Variants in UTP20 observed in about 807,000 individuals in gnomAD.
UTP20 encodes small subunit processome component 20 homolog.
UTP20 carries 164 observed loss-of-function variants against 329.5 expected under a neutral mutation model. The ratio of observed to expected loss-of-function variants is 0.50; its 90% CI spans 0.44 to 0.57. The LOEUF is 0.57. Among genes scored for constraint, UTP20 ranks in the 20% least tolerant of loss-of-function variants. The probability of loss-of-function intolerance (pLI) is 0.00; values close to 1 mark genes in which losing one functional copy is unlikely to be tolerated. For missense variants in UTP20, 3,055 were observed against 3,284.2 expected (o/e 0.93, Z 1.71); for synonymous variants, 1,151 against 1,159.3 (o/e 0.99, Z 0.14).
At chr12:101,366,171 G>A (rs1870089621) in intron 46 of UTP20, among the ~76,000 whole-genome samples, 1 of 152,128 alleles carries the variant, frequency 6.6e-6, no homozygotes, top group African/African-American at 2.4e-5. Context: ...GGCGGAGGTT[G>A]GAGTGAGCCG....
rs1023586954 is a variant in UTP20 at position 101,366,470 on chromosome 12, C to T, written c.6126-88C>T. ...AAATGGCACATTATTTAGTGCTGGG[C>T]TCTCGTCACTTTAGAAGGGCCACTC... On this transcript the variant is annotated intron_variant, in intron 46 of 61. Transcript: ENST00000261637. The T allele has an allele frequency of 4.0e-6, 6 of 1,491,628 alleles. 1 individual carries two copies. Among genetic ancestry groups the T allele is most frequent in the Admixed American group, 4.3e-5 (2 of 46,650 alleles). The allele number at this position is 1,491,628 out of a possible 1,614,324, so 92.4% of individuals were successfully genotyped here. A position where few individuals can be genotyped will look rare whatever the true frequency, so the allele number is the denominator to read the frequency against.
intron 27 of UTP20, 128 bp downstream of exon 27, chr12:101,329,577 C>A: frequency 1.1e-6 from 1 of 876,508 alleles, no homozygotes; most frequent in Non-Finnish European, 1.7e-6. Flanking sequence ...AGAACAAAGC[C>A]CAAAATTGTA....
In UTP20 at chr12:101,367,848, G is replaced by T; in HGVS notation, c.6268-12G>T. 2 of 1,588,450 alleles carry T rather than the reference G, an allele frequency of 1.3e-6. No homozygotes were observed. The highest frequency in any genetic ancestry group is 2.2e-5 in the South Asian group (2 of 90,340). On this transcript the variant is annotated splice_polypyrimidine_tract_variant and intron_variant, in intron 47 of 61. Coordinates refer to ENST00000261637, the MANE Select transcript of UTP20 (RefSeq NM_014503.3). ...GGCAACTAATGTGAAATACCTGTTTGAACTCTCTTAGCTGCTGCATCTGAG... is the reference window on the plus strand; with the variant it reads ...GGCAACTAATGTGAAATACCTGTTTTAACTCTCTTAGCTGCTGCATCTGAG...
chr12:101,283,332 A>G (rs1205101249), intron 2 of UTP20, among the ~76,000 whole-genome samples: 2 of 152,184 alleles, frequency 1.3e-5, no homozygotes, highest in East Asian at 1.9e-4. Flanking sequence ...TTATTCCCCA[A>G]TAAGCTAGAC....
At chr12:101,354,802 A>T in intron 40 of UTP20, 30 bp from the exon 41 acceptor site, 1 of 1,595,636 alleles carries the variant, frequency 6.3e-7, no homozygotes, top group Non-Finnish European at 8.5e-7. Flanking sequence ...TATTTGCTTT[A>T]AGGTGACTTT....
At chr12:101,311,162 T>G (rs1872777643) in intron 19 of UTP20, among the ~76,000 whole-genome samples, 3 of 152,232 alleles carry the variant, frequency 2.0e-5, no homozygotes, top group Non-Finnish European at 1.5e-5. Flanking sequence ...GTAAAGTTTA[T>G]GCATATTCTT....
chr12:101,319,635 G>A lies in UTP20; in HGVS notation c.2829G>A (p.Gln943=). 6.3e-7 allele frequency: 1 copy of A among 1,592,692 alleles called. No homozygotes were observed. Among genetic ancestry groups the A allele is most frequent in the Non-Finnish European group, 8.5e-7 (1 of 1,173,802 alleles). Residue 943 remains glutamine, a splice_region_variant and synonymous_variant, in exon 23 of 62, where the codon CAG becomes CAA. Transcript: ENST00000261637. ...CCAAACTATATGAGTTATATCTTCA[G>A]GTCAGTAAAATAAACTCTTGGCATT... ...LESKLYELYL[Q]LLLHQDQMVQ... is the part of the protein sequence containing the mutation.
At chr12:101,305,864 A>C in intron 15 of UTP20, 51 bp from the exon 16 acceptor site, 9 of 1,475,824 alleles carry the variant, frequency 6.1e-6, no homozygotes, top group Non-Finnish European at 8.1e-6. Context: ...TATAGTCTAG[A>C]TACTCTGGGT....
intron 12 of UTP20, among the ~76,000 whole-genome samples, chr12:101,296,192 T>A (rs74462501): frequency 0.014 from 2,134 of 152,328 alleles, 29 homozygotes; most frequent in East Asian, 0.08. Flanking sequence ...TATGTAGTTT[T>A]ATCCTGTGTT....
At chr12:101,331,460 C>G (rs528443646) in intron 27 of UTP20, among the ~76,000 whole-genome samples, 1 of 152,356 alleles carries the variant, frequency 6.6e-6, no homozygotes, top group African/African-American at 2.4e-5. Context: ...CTTGTAACTA[C>G]ATCACCTTGT....
intron 2 of UTP20, among the ~76,000 whole-genome samples, chr12:101,283,000 G>A (rs891367930): frequency 1.3e-5 from 2 of 152,202 alleles, no homozygotes; most frequent in African/African-American, 4.8e-5. Flanking sequence ...AGGAGCACAA[G>A]GTTGTAAAGA....
intron 11 of UTP20, among the ~76,000 whole-genome samples, chr12:101,294,228 G>T (rs1232504511): frequency 6.6e-6 from 1 of 151,906 alleles, no homozygotes; most frequent in African/African-American, 2.4e-5. Flanking sequence ...GTGGAGATGG[G>T]GTTTCACCAT....
chr12:101,321,873 G>C (rs897620906), intron 25 of UTP20, among the ~76,000 whole-genome samples: 2 of 151,680 alleles, frequency 1.3e-5, no homozygotes, highest in African/African-American at 4.8e-5. Flanking sequence ...GCCTCCCAAC[G>C]TGCTAAGATT....
intron 11 of UTP20, among the ~76,000 whole-genome samples, chr12:101,294,823 C>T (rs1022526141): frequency 6.6e-6 from 1 of 152,176 alleles, no homozygotes; most frequent in African/African-American, 2.4e-5. Flanking sequence ...GGATTACAGG[C>T]ATGAGCCACC....
At position 101,340,520 on chromosome 12, in the gene UTP20, T is replaced by C. The variant is rs1317776688; in HGVS notation, c.4014-3T>C. On this transcript the variant is annotated splice_region_variant and splice_polypyrimidine_tract_variant and intron_variant, in intron 31 of 61. Transcript: ENST00000261637. Reference sequence around the variant, plus strand: ...CTTATATATCCGTTTTTTCCTTCTTTAGGATCAGCAAGTTTATGAAAGACA... The same window carrying C: ...CTTATATATCCGTTTTTTCCTTCTTCAGGATCAGCAAGTTTATGAAAGACA... The C allele has an allele frequency of 6.3e-7, 1 of 1,592,024 alleles. No homozygotes were observed. Among genetic ancestry groups the C allele is most frequent in the East Asian group, 2.2e-5 (1 of 44,630 alleles).
chr12:101,368,056 A>T, intron 48 of UTP20, 80 bp downstream of exon 48: 3 of 1,002,526 alleles, frequency 3.0e-6, no homozygotes, highest in South Asian at 2.9e-5. Flanking sequence ...TAATGGTTGT[A>T]TTTGGGCTCA....
intron 56 of UTP20, among the ~76,000 whole-genome samples, chr12:101,376,430 G>T (rs1390750097): frequency 6.6e-6 from 1 of 152,114 alleles, no homozygotes; most frequent in Non-Finnish European, 1.5e-5. Flanking sequence ...GACAAATCTA[G>T]ATGGTATAGC....
chr12:101,281,515 C>T (rs1465094303), intron 2 of UTP20, among the ~76,000 whole-genome samples: 2 of 152,202 alleles, frequency 1.3e-5, no homozygotes, highest in Non-Finnish European at 2.9e-5. Context: ...TCTAGCCTCT[C>T]CCTTTCCCTT....
At chr12:101,332,346 A>C (rs1868786982) in intron 27 of UTP20, among the ~76,000 whole-genome samples, 1 of 152,220 alleles carries the variant, frequency 6.6e-6, no homozygotes, top group South Asian at 2.1e-4. Context: ...TCAAAAAGAA[A>C]AAAAAGAAAT....
Sources: gnomAD v4.1 joint callset for allele counts (sites outside exome capture counted in the v4.1 genomes callset) on GRCh38, gnomAD v4.1.1 for gene constraint, MANE v1.5 for transcripts, NCBI Gene and HGNC (gene_info 2026-07-23, HGNC 2026-07-21) for gene names.